The following YPEL1 variants were observed in gnomAD, a reference collection of about 807,000 sequenced individuals.
YPEL1 encodes the protein protein yippee-like 1.
In YPEL1, 7 loss-of-function variants were observed where a neutral mutation model predicts 17.3. The observed-to-expected ratio is 0.40, with a 90% CI of 0.23 to 0.76. YPEL1 has a LOEUF of 0.76. Among genes scored for constraint, YPEL1 ranks in the 30% least tolerant of loss-of-function variants. The pLI, the probability that YPEL1 is intolerant of heterozygous loss-of-function variation, is 0.35. For synonymous variants in YPEL1, 59 were observed against 59.6 expected, an observed-to-expected ratio of 0.99 and a Z score of 0.05; for missense variants, 91 against 155.5, an observed-to-expected ratio of 0.59 and a Z score of 2.21.
At chr22:21,735,570 A>T (rs2068428808) in intron 1 of YPEL1, 45 bp downstream of exon 1, 1 of 150,902 alleles carries the variant, frequency 6.6e-6, no homozygotes, top group African/African-American at 2.4e-5. Flanking sequence ...GGGTGGCCAC[A>T]AAGTAACCGC....
chr22:21,734,728 G>C (rs1370645696), intron 1 of YPEL1, among the ~76,000 whole-genome samples: 1 of 152,118 alleles, frequency 6.6e-6, no homozygotes, highest in East Asian at 1.9e-4. Context: ...CACCTGGCAG[G>C]GGCTCAGCAA....
At chr22:21,701,871 G>A (rs1000276816) in intron 4 of YPEL1, among the ~76,000 whole-genome samples, 3 of 152,026 alleles carry the variant, frequency 2.0e-5, no homozygotes, top group Non-Finnish European at 4.4e-5. Flanking sequence ...ACAAGCCTAC[G>A]CAACACAGTG....
At chr22:21,710,578 C>T (rs1569060220) in intron 2 of YPEL1, 50 bp downstream of exon 2, 1 of 1,449,956 alleles carries the variant, frequency 6.9e-7, no homozygotes, top group Non-Finnish European at 9.7e-7. Flanking sequence ...GTAGGTACCA[C>T]AATGACAGAT....
chr22:21,698,671 C>G lies in YPEL1; in HGVS notation c.*2458G>C, dbSNP rs1654478611. On this transcript the variant is annotated 3_prime_UTR_variant, in exon 5 of 5. Coordinates refer to ENST00000339468, the MANE Select transcript of YPEL1 (RefSeq NM_013313.5). ...TTCCACCCGGGAAGGTGTCTTTCAG[C>G]CTCTTCACAGTCTCAAGACAATTGA... 2.0e-5 allele frequency: 3 copies of G among 152,410 alleles called. 1 individual carries two copies. The highest frequency in any genetic ancestry group is 2.0e-4 in the Admixed American group (3 of 15,286). The allele number at this position is 152,410 out of a possible 1,614,324, so 9.4% of individuals were successfully genotyped here. A position where few individuals can be genotyped will look rare whatever the true frequency, so the allele number is the denominator to read the frequency against.
intron 4 of YPEL1, 44 bp from the exon 5 acceptor site, chr22:21,701,262 TTTTCAA>T (rs2068062935): frequency 6.5e-7 from 1 of 1,526,732 alleles, no homozygotes; most frequent in Non-Finnish European, 9.0e-7. Context: ...AAGGTTTCAC[TTTTCAA>T]TTTCATCACT....
At chr22:21,710,207 C>T (rs577449297) in intron 2 of YPEL1, among the ~76,000 whole-genome samples, 2 of 152,284 alleles carry the variant, frequency 1.3e-5, no homozygotes, top group African/African-American at 4.8e-5. Flanking sequence ...CAGCCACACC[C>T]TCTGGGGCAT....
At chr22:21,715,959 T>C (rs977996453) in intron 1 of YPEL1, among the ~76,000 whole-genome samples, 1 of 152,126 alleles carries the variant, frequency 6.6e-6, no homozygotes, top group African/African-American at 2.4e-5. Context: ...ACGGGGTTTC[T>C]CCATGTTGGT....
chr22:21,711,514 T>G (rs2068166157), intron 1 of YPEL1, among the ~76,000 whole-genome samples: 2 of 152,148 alleles, frequency 1.3e-5, no homozygotes, highest in Non-Finnish European at 2.9e-5. Context: ...TTGAGGAATG[T>G]GAGTGATGGA....
At chr22:21,721,273 CG>C (rs1437085428) in intron 1 of YPEL1, among the ~76,000 whole-genome samples, 1 of 150,740 alleles carries the variant, frequency 6.6e-6, no homozygotes, top group Non-Finnish European at 1.5e-5. Flanking sequence ...CCACCACGCC[CG>C]GCTAATTTTT....
intron 1 of YPEL1, among the ~76,000 whole-genome samples, chr22:21,729,584 G>C (rs1481197115): frequency 6.6e-6 from 1 of 152,180 alleles, no homozygotes; most frequent in African/African-American, 2.4e-5. Context: ...CTGGGCGACA[G>C]AGCGAGACAG....
intron 2 of YPEL1, among the ~76,000 whole-genome samples, chr22:21,705,287 A>G (rs2148597100): frequency 6.6e-6 from 1 of 152,338 alleles, no homozygotes; most frequent in African/African-American, 2.4e-5. Flanking sequence ...CTTACATTAC[A>G]GTTTATAATG....
intron 1 of YPEL1, among the ~76,000 whole-genome samples, chr22:21,719,529 GC>G (rs752962230): frequency 4.6e-5 from 7 of 152,150 alleles, no homozygotes; most frequent in Non-Finnish European, 8.8e-5. Flanking sequence ...CAGAATCCCT[GC>G]TCCAAGTGAC....
At chr22:21,734,042 C>A (rs1414175806) in intron 1 of YPEL1, among the ~76,000 whole-genome samples, 2 of 152,126 alleles carry the variant, frequency 1.3e-5, no homozygotes, top group Non-Finnish European at 2.9e-5. Context: ...TTAAGTGAGA[C>A]CCCAGTCTCT....
At chr22:21,721,764 A>AT (rs1332361752) in intron 1 of YPEL1, among the ~76,000 whole-genome samples, 1 of 151,980 alleles carries the variant, frequency 6.6e-6, no homozygotes, top group Non-Finnish European at 1.5e-5. Context: ...TCCTGAACAC[A>AT]TTTTAAGTGG....
intron 1 of YPEL1, among the ~76,000 whole-genome samples, chr22:21,711,176 C>A (rs1334302757): frequency 1.3e-5 from 2 of 152,044 alleles, no homozygotes; most frequent in African/African-American, 4.8e-5. Flanking sequence ...GAACACGCCA[C>A]CAAGCCTGGC....
Position 21,735,672 on chromosome 22 carries a change from A to G in YPEL1, c.-222T>C, listed in dbSNP as rs2068430064. On this transcript the variant is annotated 5_prime_UTR_variant, in exon 1 of 5. Coordinates refer to ENST00000339468, the MANE Select transcript of YPEL1 (RefSeq NM_013313.5). ...CGCCCATCCGGCCCGGGCCCCGGTC[A>G]GCGCGGGCTCGGCTCTCAGGCGTTC... The G allele has an allele frequency of 6.6e-6, 1 of 150,920 alleles. No homozygotes were observed. Among genetic ancestry groups the G allele is most frequent in the East Asian group, 2.0e-4 (1 of 5,094 alleles). The allele number at this position is 150,920 out of a possible 1,614,324, so 9.3% of individuals were successfully genotyped here.
At chr22:21,717,376 C>CAAAAAAAAA in intron 1 of YPEL1, among the ~76,000 whole-genome samples, 1 of 61,482 alleles carries the variant, frequency 1.6e-5, no homozygotes. Context: ...TAGTCCGTCT[C>CAAAAAAAAA]AAAAAAAAAA....
At chr22:21,706,260 C>T (rs1308089692) in intron 2 of YPEL1, among the ~76,000 whole-genome samples, 1 of 151,076 alleles carries the variant, frequency 6.6e-6, no homozygotes, top group Non-Finnish European at 1.5e-5. Context: ...GAAACCCCGT[C>T]CCTACTAAAA....
At chr22:21,732,079 A>G (rs1569067702) in intron 1 of YPEL1, among the ~76,000 whole-genome samples, 1 of 152,206 alleles carries the variant, frequency 6.6e-6, no homozygotes, top group Non-Finnish European at 1.5e-5. Flanking sequence ...TGTGGGCAAC[A>G]GTGGTTGGCT....
Sources: gnomAD v4.1 joint callset for allele counts (sites outside exome capture counted in the v4.1 genomes callset) on GRCh38, gnomAD v4.1.1 for gene constraint, MANE v1.5 for transcripts, NCBI Gene and HGNC (gene_info 2026-07-23, HGNC 2026-07-21) for gene names.